Variants in GRHL2 observed in about 807,000 individuals in gnomAD.
GRHL2 encodes grainyhead-like protein 2 homolog.
Under a neutral mutation model 83.8 loss-of-function variants are expected in GRHL2, and 21 were observed. The ratio of observed to expected loss-of-function variants is 0.25; its 90% CI spans 0.18 to 0.36. The LOEUF (loss-of-function observed/expected upper bound fraction) is 0.36. Ranked by LOEUF, GRHL2 falls within the 10% of genes least tolerant of loss-of-function variation. The pLI, the probability that GRHL2 is intolerant of heterozygous loss-of-function variation, is 1.00. For synonymous variants in GRHL2, 280 were observed against 278.9 expected, an observed-to-expected ratio of 1.00 and a Z score of -0.04; for missense variants, 623 against 781.8, an observed-to-expected ratio of 0.80 and a Z score of 2.42.
intron 14 of GRHL2, among the ~76,000 whole-genome samples, chr8:101,652,155 G>A (rs1813635182): frequency 6.6e-6 from 1 of 152,064 alleles, no homozygotes; most frequent in Non-Finnish European, 1.5e-5. Flanking sequence ...CAGGGTGTGG[G>A]TTCTCTTTAG....
At chr8:101,629,080 C>T (rs572549611) in intron 9 of GRHL2, among the ~76,000 whole-genome samples, 29 of 152,282 alleles carry the variant, frequency 1.9e-4, no homozygotes, top group African/African-American at 7.0e-4. Flanking sequence ...AGAAGTCCTA[C>T]TGTGGGTAAA....
chr8:101,562,343 A>G, intron 4 of GRHL2: 1 of 657,506 alleles, frequency 1.5e-6, no homozygotes, highest in Non-Finnish European at 2.5e-6. Context: ...TGGTTCACCT[A>G]GCTTTGGAGG....
At chr8:101,550,372 G>A (rs546986141) in intron 2 of GRHL2, among the ~76,000 whole-genome samples, 16 of 152,132 alleles carry the variant, frequency 1.1e-4, no homozygotes, top group East Asian at 3.9e-4. Flanking sequence ...TAGTAGTCCC[G>A]TGTCTGTTGT....
chr8:101,520,372 T>C (rs1445379617), intron 1 of GRHL2, among the ~76,000 whole-genome samples: 1 of 152,156 alleles, frequency 6.6e-6, no homozygotes, highest in Non-Finnish European at 1.5e-5. Context: ...CAGAAAATAA[T>C]GACTGCCTTG....
In GRHL2 at chr8:101,667,845, C is replaced by G. The variant is rs1212192856; in HGVS notation, c.*1142C>G. 6.5e-6 allele frequency: 1 copy of G among 152,822 alleles called. No individual in the cohort carries two copies. Among genetic ancestry groups the G allele is most frequent in the Non-Finnish European group, 1.5e-5 (1 of 68,180 alleles). The allele number at this position is 152,822 out of a possible 1,614,324, so 9.5% of individuals were successfully genotyped here. On this transcript the variant is annotated 3_prime_UTR_variant, in exon 16 of 16. Coordinates refer to ENST00000646743, the MANE Select transcript of GRHL2 (RefSeq NM_024915.4). The stretch of plus-strand genomic sequence containing the variant: ...TATCAGGAGAATCCTGGACACTGTA[C>G]TGTGCCTCCCAGTTTACAAACACGC...
At chr8:101,658,728 T>A (rs552577426) in intron 14 of GRHL2, among the ~76,000 whole-genome samples, 2 of 152,332 alleles carry the variant, frequency 1.3e-5, no homozygotes, top group Non-Finnish European at 2.9e-5. Context: ...CTAACAGATA[T>A]AAGCTGCTTG....
At position 101,492,565 on chromosome 8, in the gene GRHL2, CT is replaced by C; in HGVS notation, c.-203del. The C allele has an allele frequency of 1.5e-6, 1 of 670,914 alleles. No homozygotes were observed. Among genetic ancestry groups the C allele is most frequent in the Non-Finnish European group, 2.7e-6 (1 of 364,518 alleles). 41.6% of individuals were successfully genotyped at this position (670,914 alleles called of 1,614,324 possible). On this transcript the variant is annotated 5_prime_UTR_variant, in exon 1 of 16. Transcript: ENST00000646743. Reference sequence around the variant, plus strand: ...TCGGGCCCCATGTGAGGGGCCCCCCCTTATCCCACCTTTCCGGCTAGGTGAG... The same window carrying C: ...TCGGGCCCCATGTGAGGGGCCCCCCCTATCCCACCTTTCCGGCTAGGTGAG...
chr8:101,577,127 G>A (rs1265974078), intron 6 of GRHL2, among the ~76,000 whole-genome samples: 1 of 151,950 alleles, frequency 6.6e-6, no homozygotes, highest in Non-Finnish European at 1.5e-5. Context: ...TACATTTGCT[G>A]CTAATTGGTT....
chr8:101,669,983 C>T (rs1425036261), downstream of GRHL2, among the ~76,000 whole-genome samples: 1 of 152,212 alleles, frequency 6.6e-6, no homozygotes, highest in Non-Finnish European at 1.5e-5. Context: ...TGGCCAGTCC[C>T]TTTGGGCAGG....
rs186148384 is a variant in GRHL2, at chr8:101,653,477, C to A, written c.1698+3978C>A. ...CTAGGGCATTGCTTATCTAACTGGG[C>A]CCGTCAGAATCACCTGGGGTACCTT... On this transcript the variant is annotated intron_variant, in intron 14 of 15. Transcript: ENST00000646743. 1.0e-3 allele frequency among the ~76,000 whole-genome samples: 154 copies of A among 152,224 alleles called. 1 individual carries two copies. Among genetic ancestry groups the A allele is most frequent in the Non-Finnish European group, 2.0e-3 (135 of 68,014 alleles).
chr8:101,559,478 C>T (rs1358500394), intron 4 of GRHL2, among the ~76,000 whole-genome samples: 2 of 151,740 alleles, frequency 1.3e-5, no homozygotes, highest in African/African-American at 4.8e-5. Flanking sequence ...TGCAGTGAGC[C>T]GAGATCATGC....
intron 11 of GRHL2, 120 bp from the exon 12 acceptor site, chr8:101,636,777 C>T: frequency 1.3e-6 from 1 of 753,706 alleles, no homozygotes; most frequent in Non-Finnish European, 2.4e-6. Context: ...TGTTATTAAA[C>T]AGATTAGTCT....
At chr8:101,650,404 T>A (rs1342609695) in intron 14 of GRHL2, among the ~76,000 whole-genome samples, 1 of 152,218 alleles carries the variant, frequency 6.6e-6, no homozygotes, top group Non-Finnish European at 1.5e-5. Flanking sequence ...CATTTTGTAT[T>A]TCCACTTATC....
chr8:101,501,871 GA>G (rs1810235718), intron 1 of GRHL2, among the ~76,000 whole-genome samples: 1 of 151,406 alleles, frequency 6.6e-6, no homozygotes, highest in African/African-American at 2.4e-5. Context: ...TGATTAGTTT[GA>G]AAAAACATGC....
rs1813577342 is a variant in GRHL2 at position 101,649,446 on chromosome 8, G to A, written c.1645G>A (p.Val549Met). The change falls in exon 14 of 16, where the codon GTG becomes ATG. Residue 549 changes from valine (V) to methionine (M), a missense_variant. Physicochemically the swap from Val to Met is conservative, Grantham distance 21. Transcript: ENST00000646743. The stretch of plus-strand genomic sequence containing the variant: ...GTACGTGAGGAAGGAGACTGACGAT[G>A]TGTTCGATGCATTGATGTTGAAGTC... ...LLYVRKETDD[V>M]FDALMLKSPT... 3 of 1,613,974 alleles carry A rather than the reference G, an allele frequency of 1.9e-6. No individual in the cohort carries two copies. The highest frequency in any genetic ancestry group is 1.3e-5 in the African/African-American group (1 of 74,914).
Position 101,664,529 on chromosome 8 carries a change from A to C in GRHL2, c.1763+11A>C. 1.9e-6 allele frequency: 3 copies of C among 1,586,612 alleles called. No individual in the cohort carries two copies. The highest frequency in any genetic ancestry group is 2.6e-6 in the Non-Finnish European group (3 of 1,155,392). Reference sequence around the variant, plus strand: ...GAAAAGCAAAAAAGGGTAAGAAAGAAACTGAACTTAAATTGACTTTCAAAT... The same window carrying C: ...GAAAAGCAAAAAAGGGTAAGAAAGACACTGAACTTAAATTGACTTTCAAAT... On this transcript the variant is annotated intron_variant, in intron 15 of 15. Coordinates refer to ENST00000646743, the MANE Select transcript of GRHL2 (RefSeq NM_024915.4).
chr8:101,574,977 G>A (rs568753919), intron 6 of GRHL2, among the ~76,000 whole-genome samples: 14 of 152,182 alleles, frequency 9.2e-5, no homozygotes, highest in African/African-American at 2.7e-4. Context: ...ACTAGTAACC[G>A]GCCAAGGTTA....
At chr8:101,573,639 A>G (rs926918621) in intron 5 of GRHL2, 29 bp from the exon 6 acceptor site, 1 of 1,613,852 alleles carries the variant, frequency 6.2e-7, no homozygotes. Context: ...AAGTGAGTGG[A>G]TCTGACCGCT....
intron 13 of GRHL2, among the ~76,000 whole-genome samples, chr8:101,648,888 A>G (rs1050265456): frequency 3.3e-5 from 5 of 152,140 alleles, no homozygotes; most frequent in African/African-American, 1.2e-4. Context: ...CCAGGCCCCT[A>G]TAAGCACTGT....
Sources: gnomAD v4.1 joint callset for allele counts (sites outside exome capture counted in the v4.1 genomes callset) on GRCh38, gnomAD v4.1.1 for gene constraint, MANE v1.5 for transcripts, NCBI Gene and HGNC (gene_info 2026-07-23, HGNC 2026-07-21) for gene names.